Variants in TIAM1 observed in about 807,000 individuals in gnomAD.
The protein encoded by TIAM1 is rho guanine nucleotide exchange factor TIAM1.
In TIAM1, 65 loss-of-function variants were observed where a neutral mutation model predicts 163.5. That is an observed-to-expected ratio of 0.40 (90% CI 0.33 to 0.49). TIAM1 has a LOEUF of 0.49. Ranked by LOEUF, TIAM1 falls within the 20% of genes least tolerant of loss-of-function variation. The probability of loss-of-function intolerance (pLI) is 0.77; values close to 1 mark genes in which losing one functional copy is unlikely to be tolerated. For synonymous variants in TIAM1, 833 were observed against 810.1 expected (o/e 1.03, Z -0.48); for missense variants, 1,789 against 2,044.7 (o/e 0.87, Z 2.41).
At chr21:31,363,552 G>A (rs1325472126) in intron 2 of TIAM1, among the ~76,000 whole-genome samples, 1 of 152,154 alleles carries the variant, frequency 6.6e-6, no homozygotes, top group African/African-American at 2.4e-5. Context: ...TAGTCCCTAA[G>A]CTTCCTCTAA....
At chr21:31,351,516 G>T (rs560384259) in intron 2 of TIAM1, among the ~76,000 whole-genome samples, 2 of 152,282 alleles carry the variant, frequency 1.3e-5, no homozygotes, top group Admixed American at 1.3e-4. Context: ...GTGGGTACAT[G>T]AGAAATTCTT....
At chr21:31,279,980 C>T (rs554538184) in intron 2 of TIAM1, among the ~76,000 whole-genome samples, 22 of 152,200 alleles carry the variant, frequency 1.4e-4, no homozygotes, top group African/African-American at 4.3e-4. Context: ...TCTACTCAAT[C>T]GGCTACAGCT....
intron 12 of TIAM1, among the ~76,000 whole-genome samples, chr21:31,197,532 CGCCCGGCT>C (rs1601510387): frequency 1.7e-5 from 2 of 120,450 alleles, no homozygotes; most frequent in East Asian, 7.0e-4. Context: ...CCCGCCACCG[CGCCCGGCT>C]TTTTTTTTTT....
intron 1 of TIAM1, among the ~76,000 whole-genome samples, chr21:31,496,195 G>GA (rs2046634911): frequency 6.6e-6 from 1 of 151,760 alleles, no homozygotes; most frequent in African/African-American, 2.4e-5. Flanking sequence ...AGGATGTAAA[G>GA]AAGGAGAATA....
upstream of TIAM1, among the ~76,000 whole-genome samples, chr21:31,345,492 A>G (rs1212796936): frequency 9.3e-6 from 1 of 107,644 alleles, no homozygotes; most frequent in South Asian, 2.9e-4. Flanking sequence ...GGATTCACAC[A>G]TATATATATT....
intron 1 of TIAM1, among the ~76,000 whole-genome samples, chr21:31,467,956 G>A (rs1447020400): frequency 3.3e-5 from 5 of 151,410 alleles, no homozygotes; most frequent in Admixed American, 6.6e-5. Context: ...CGTGGTGGTG[G>A]GCACCTGTAA....
chr21:31,421,625 G>A (rs1351556577), intron 2 of TIAM1, among the ~76,000 whole-genome samples: 1 of 152,186 alleles, frequency 6.6e-6, no homozygotes, highest in African/African-American at 2.4e-5. Context: ...TGGGTCCGTG[G>A]GAAAAACTGT....
intron 1 of TIAM1, among the ~76,000 whole-genome samples, chr21:31,342,048 T>A (rs2076036269): frequency 6.6e-6 from 1 of 152,072 alleles, no homozygotes; most frequent in African/African-American, 2.4e-5. Flanking sequence ...GCATGTTCAA[T>A]ATTATACCAA....
intron 6 of TIAM1, among the ~76,000 whole-genome samples, chr21:31,229,138 T>C (rs760854359): frequency 6.6e-6 from 1 of 152,100 alleles, no homozygotes; most frequent in Non-Finnish European, 1.5e-5. Context: ...GTATTAGAAG[T>C]TGAGAGGGCA....
chr21:31,479,623 T>C (rs956298264), intron 1 of TIAM1, among the ~76,000 whole-genome samples: 4 of 151,876 alleles, frequency 2.6e-5, no homozygotes, highest in African/African-American at 4.8e-5. Context: ...ACCATAGAAA[T>C]CGACAAAACA....
chr21:31,442,731 G>A (rs2044481329), intron 2 of TIAM1, among the ~76,000 whole-genome samples: 2 of 152,192 alleles, frequency 1.3e-5, no homozygotes, highest in Admixed American at 6.5e-5. Flanking sequence ...ATGGGGCCAG[G>A]GTCACAGCCT....
At chr21:31,340,885 C>CA (rs1250050726) in intron 1 of TIAM1, among the ~76,000 whole-genome samples, 1 of 149,058 alleles carries the variant, frequency 6.7e-6, no homozygotes, top group Non-Finnish European at 1.5e-5. Context: ...AAAAAACCAA[C>CA]ACTGGGAAAG....
intron 2 of TIAM1, among the ~76,000 whole-genome samples, chr21:31,389,060 G>A (rs1022055986): frequency 6.6e-6 from 1 of 152,282 alleles, no homozygotes; most frequent in African/African-American, 2.4e-5. Context: ...CACATGAAAC[G>A]AGCCACGGGT....
At chr21:31,410,681 C>T (rs966122951) in intron 2 of TIAM1, among the ~76,000 whole-genome samples, 3 of 146,972 alleles carry the variant, frequency 2.0e-5, no homozygotes, top group African/African-American at 2.5e-5. Context: ...CGAGACAGGG[C>T]GTGAGAGTGT....
At chr21:31,126,524 G>T (rs2082206471) in intron 26 of TIAM1, among the ~76,000 whole-genome samples, 1 of 152,010 alleles carries the variant, frequency 6.6e-6, no homozygotes, top group African/African-American at 2.4e-5. Context: ...CCGAGATCAT[G>T]CCACTGCACT....
chr21:31,514,659 C>T (rs1253907531), intron 1 of TIAM1, among the ~76,000 whole-genome samples: 1 of 152,126 alleles, frequency 6.6e-6, no homozygotes, highest in Non-Finnish European at 1.5e-5. Flanking sequence ...CACCGCTGTT[C>T]TCCAGCCTGG....
chr21:31,386,794 C>A (rs1183590699), intron 2 of TIAM1, among the ~76,000 whole-genome samples: 2 of 152,188 alleles, frequency 1.3e-5, no homozygotes, highest in Non-Finnish European at 2.9e-5. Context: ...GGTTTTGCTT[C>A]AAGAGGGAAT....
rs972191694 is a variant in TIAM1 at position 31,141,021 on chromosome 21, T to C, written c.3774+97A>G. On this transcript the variant is annotated intron_variant, in intron 22 of 27. Coordinates refer to ENST00000541036, the MANE Select transcript of TIAM1 (RefSeq NM_001353694.2). The surrounding 1 kb of genome is among the most constrained non-coding windows in gnomAD (Gnocchi z 4.7). ...AACAACAGCATCCTAACTATTTTACTTACAAGTAACACCTTTTTAAAAAAT... is the reference window on the plus strand; with the variant it reads ...AACAACAGCATCCTAACTATTTTACCTACAAGTAACACCTTTTTAAAAAAT... 2 of 919,138 alleles carry C rather than the reference T, an allele frequency of 2.2e-6. No individual in the cohort carries two copies. The highest frequency in any genetic ancestry group is 3.4e-5 in the African/African-American group (2 of 59,174). The allele number at this position is 919,138 out of a possible 1,614,324, so 56.9% of individuals were successfully genotyped here. A position where few individuals can be genotyped will look rare whatever the true frequency, so the allele number is the denominator to read the frequency against.
intron 2 of TIAM1, among the ~76,000 whole-genome samples, chr21:31,432,627 C>A (rs893802471): frequency 2.0e-5 from 3 of 152,118 alleles, no homozygotes; most frequent in African/African-American, 7.2e-5. Flanking sequence ...AAAGATGCGG[C>A]AACATGCATG....
Sources: gnomAD v4.1 joint callset for allele counts (sites outside exome capture counted in the v4.1 genomes callset) on GRCh38, gnomAD v4.1.1 for gene constraint, Gnocchi (gnomAD v3.1) non-coding constraint, MANE v1.5 for transcripts, NCBI Gene and HGNC (gene_info 2026-07-23, HGNC 2026-07-21) for gene names.